The following MCTP1 variants were observed in gnomAD, a reference collection of about 807,000 sequenced individuals.
MCTP1 encodes the protein multiple C2 and transmembrane domain-containing protein 1.
In MCTP1, 69 loss-of-function variants were observed where a neutral mutation model predicts 120.6. The observed-to-expected ratio is 0.57, with a 90% CI of 0.47 to 0.70. MCTP1 has a LOEUF of 0.70. Among genes scored for constraint, MCTP1 ranks in the 30% least tolerant of loss-of-function variants. MCTP1 has a pLI of 0.00. For synonymous variants in MCTP1, 529 were observed against 493.1 expected (o/e 1.07, Z -0.96); for missense variants, 1,203 against 1,248.8 (o/e 0.96, Z 0.55).
At chr5:94,714,645 T>C in intron 20 of MCTP1, 132 bp downstream of exon 20, 1 of 692,640 alleles carries the variant, frequency 1.4e-6, no homozygotes, top group Non-Finnish European at 2.6e-6. Flanking sequence ...AAGTAAATAA[T>C]GATGAAACTG....
At chr5:94,974,809 G>A (rs1048215907) in intron 2 of MCTP1, among the ~76,000 whole-genome samples, 10 of 151,910 alleles carry the variant, frequency 6.6e-5, no homozygotes, top group African/African-American at 2.4e-4. Flanking sequence ...ACAAATAGTT[G>A]CACGACTTTT....
intron 1 of MCTP1, among the ~76,000 whole-genome samples, chr5:95,270,343 CTCAT>C (rs1455477600): frequency 6.6e-6 from 1 of 152,158 alleles, no homozygotes; most frequent in Admixed American, 6.5e-5. Flanking sequence ...GTTCAGTTTC[CTCAT>C]TTGTAAAATG....
chr5:95,173,152 T>C (rs1454302117), intron 1 of MCTP1, among the ~76,000 whole-genome samples: 1 of 152,160 alleles, frequency 6.6e-6, no homozygotes, highest in African/African-American at 2.4e-5. Context: ...GAGTAGTTAC[T>C]AAAACATCTA....
intron 1 of MCTP1, among the ~76,000 whole-genome samples, chr5:95,182,307 C>G (rs1228793288): frequency 1.3e-5 from 2 of 152,126 alleles, no homozygotes; most frequent in African/African-American, 4.8e-5. Context: ...GAAGGTGATT[C>G]AAACTTAGAA....
chr5:95,050,309 T>A (rs910321073), intron 1 of MCTP1, among the ~76,000 whole-genome samples: 30 of 152,362 alleles, frequency 2.0e-4, no homozygotes, highest in Admixed American at 1.7e-3. Context: ...CATTTCCTGA[T>A]AATACTTGGA....
chr5:95,018,093 A>T (rs1179465355), intron 1 of MCTP1, among the ~76,000 whole-genome samples: 2 of 152,134 alleles, frequency 1.3e-5, no homozygotes, highest in African/African-American at 2.4e-5. Context: ...TACATCAGCT[A>T]TTCCTAGATC....
At chr5:95,115,323 G>A (rs1757740470) in intron 1 of MCTP1, among the ~76,000 whole-genome samples, 1 of 151,920 alleles carries the variant, frequency 6.6e-6, no homozygotes, top group Non-Finnish European at 1.5e-5. Context: ...AGAGAGATAT[G>A]ACCTTTCAGA....
chr5:94,953,977 CAT>C (rs1195879138), intron 2 of MCTP1, among the ~76,000 whole-genome samples: 1 of 63,478 alleles, frequency 1.6e-5, no homozygotes, highest in East Asian at 3.6e-4. Context: ...TATATATATG[CAT>C]ATATATACAA....
intron 1 of MCTP1, among the ~76,000 whole-genome samples, chr5:95,043,235 T>G (rs1286376465): frequency 6.6e-6 from 1 of 152,172 alleles, no homozygotes; most frequent in Non-Finnish European, 1.5e-5. Context: ...AATTTTATTA[T>G]TTGCATTTCT....
rs546525630 is a variant in MCTP1, at chr5:95,159,226, C to T, written c.720+124630G>A. On this transcript the variant is annotated intron_variant, in intron 1 of 22. Coordinates refer to ENST00000515393, the MANE Select transcript of MCTP1 (RefSeq NM_024717.7). ...CCACAATATCATGTCTCCAGATATG[C>T]CTTTGAAGACATCAATGATTGACTT... Among the ~76,000 whole-genome samples, 9 of 152,284 alleles carry T rather than the reference C, an allele frequency of 5.9e-5. No homozygotes were observed. In the South Asian group the frequency reaches 1.9e-3, roughly 32 times the overall value.
intron 2 of MCTP1, among the ~76,000 whole-genome samples, chr5:94,956,120 C>A (rs1371214214): frequency 1.3e-5 from 2 of 152,194 alleles, no homozygotes; most frequent in Non-Finnish European, 2.9e-5. Context: ...GATACCCAGG[C>A]AAACAGTCTG....
intron 17 of MCTP1, among the ~76,000 whole-genome samples, chr5:94,829,216 G>A (rs570482727): frequency 6.6e-6 from 1 of 152,150 alleles, no homozygotes; most frequent in Admixed American, 6.6e-5. Flanking sequence ...CCTTGACTAG[G>A]GGAGGGAGTT....
At chr5:94,872,552 T>C (rs1798025238) in intron 13 of MCTP1, among the ~76,000 whole-genome samples, 1 of 152,096 alleles carries the variant, frequency 6.6e-6, no homozygotes, top group South Asian at 2.1e-4. Flanking sequence ...TCAAAAGCCC[T>C]GTTTAAAAAA....
Position 95,095,234 on chromosome 5 carries a change from A to G in MCTP1, c.721-77750T>C, listed in dbSNP as rs1236519634. Among the ~76,000 whole-genome samples, 5 of 151,794 alleles carry G rather than the reference A, an allele frequency of 3.3e-5. No homozygotes were observed. In the East Asian group the frequency reaches 9.7e-4, roughly 30 times the overall value. ...GAGACGGGGTTTCACCATGTTAGCCAGGATGGTCTCGATCTCCTGACCTCG... is the reference window on the plus strand; with the variant it reads ...GAGACGGGGTTTCACCATGTTAGCCGGGATGGTCTCGATCTCCTGACCTCG... On this transcript the variant is annotated intron_variant, in intron 1 of 22. Transcript: ENST00000515393.
chr5:95,172,889 C>A (rs188875733), intron 1 of MCTP1, among the ~76,000 whole-genome samples: 1 of 152,094 alleles, frequency 6.6e-6, no homozygotes, highest in Non-Finnish European at 1.5e-5. Flanking sequence ...AATAAACACC[C>A]TAGAGCTTAA....
intron 1 of MCTP1, among the ~76,000 whole-genome samples, chr5:95,250,978 G>A (rs1757327297): frequency 6.6e-6 from 1 of 152,112 alleles, no homozygotes. Flanking sequence ...TCCTTATTGA[G>A]ATGTTATTAT....
chr5:95,008,664 T>C (rs898163315), intron 2 of MCTP1, among the ~76,000 whole-genome samples: 1 of 152,098 alleles, frequency 6.6e-6, no homozygotes, highest in Non-Finnish European at 1.5e-5. Context: ...TCTTTGAAGA[T>C]GTAATTAAGT....
At chr5:95,180,202 G>T (rs771584997) in intron 1 of MCTP1, among the ~76,000 whole-genome samples, 3 of 152,236 alleles carry the variant, frequency 2.0e-5, no homozygotes, top group Admixed American at 2.0e-4. Flanking sequence ...ACAATAGTGG[G>T]GGACTTGAAT....
At chr5:94,954,081 A>T (rs1430059813) in intron 2 of MCTP1, among the ~76,000 whole-genome samples, 2 of 100,204 alleles carry the variant, frequency 2.0e-5, no homozygotes, top group African/African-American at 4.3e-5. Context: ...TATATATACA[A>T]ATATATATGT....
Sources: gnomAD v4.1 joint callset for allele counts (sites outside exome capture counted in the v4.1 genomes callset) on GRCh38, gnomAD v4.1.1 for gene constraint, MANE v1.5 for transcripts, NCBI Gene and HGNC (gene_info 2026-07-23, HGNC 2026-07-21) for gene names.